INPP4B: variants seen among roughly 807,000 people sequenced by gnomAD.
INPP4B encodes inositol polyphosphate 4-phosphatase type II.
In INPP4B, 55 loss-of-function variants were observed where a neutral mutation model predicts 122.5. The ratio of observed to expected loss-of-function variants is 0.45; its 90% confidence interval spans 0.36 to 0.56. The LOEUF is 0.56. Ranked by LOEUF, INPP4B falls within the 20% of genes least tolerant of loss-of-function variation. INPP4B has a pLI of 0.00. For synonymous variants in INPP4B, 403 were observed against 388.7 expected (o/e 1.04, Z -0.43); for missense variants, 1,000 against 1,097.7 (o/e 0.91, Z 1.26).
At chr4:142,565,916 A>T (rs577048501) in intron 2 of INPP4B, 2 of 152,322 alleles carry the variant, frequency 1.3e-5, no homozygotes, top group Admixed American at 1.3e-4. Context: ...ACATCAGAGG[A>T]AGTGCATTGA....
At chr4:142,629,272 C>A (rs1368593026) in intron 2 of INPP4B, among the ~76,000 whole-genome samples, 1 of 152,018 alleles carries the variant, frequency 6.6e-6, no homozygotes, top group African/African-American at 2.4e-5. Flanking sequence ...CACCAGTTTT[C>A]ATTTACTTAT....
At chr4:142,111,836 C>T (rs1459367667) in intron 22 of INPP4B, among the ~76,000 whole-genome samples, 1 of 151,986 alleles carries the variant, frequency 6.6e-6, no homozygotes, top group Non-Finnish European at 1.5e-5. Flanking sequence ...CTCCATCTCC[C>T]GAGTTCAAAA....
At chr4:142,388,935 C>G (rs1796807094) in intron 7 of INPP4B, among the ~76,000 whole-genome samples, 1 of 152,052 alleles carries the variant, frequency 6.6e-6, no homozygotes. Context: ...TCCAAGGACT[C>G]CACCCTAAAG....
At chr4:142,618,928 G>T (rs1014467514) in intron 2 of INPP4B, among the ~76,000 whole-genome samples, 5 of 151,788 alleles carry the variant, frequency 3.3e-5, no homozygotes, top group Admixed American at 6.6e-5. Flanking sequence ...ATATGCAAAT[G>T]ACTTGAATAT....
intron 25 of INPP4B, among the ~76,000 whole-genome samples, chr4:142,031,152 T>C (rs1020274080): frequency 1.3e-5 from 2 of 152,178 alleles, no homozygotes; most frequent in African/African-American, 4.8e-5. Context: ...TTGATATAAA[T>C]TGAAAATAAA....
At chr4:142,685,733 C>T (rs1759250547) in intron 2 of INPP4B, among the ~76,000 whole-genome samples, 1 of 152,026 alleles carries the variant, frequency 6.6e-6, no homozygotes, top group South Asian at 2.1e-4. Context: ...GCACTCCCCC[C>T]TGGGAGACAG....
chr4:142,710,363 C>G (rs994992607), intron 2 of INPP4B, among the ~76,000 whole-genome samples: 1 of 151,972 alleles, frequency 6.6e-6, no homozygotes. Context: ...ACAAAATGGC[C>G]AAGATATGAT....
At chr4:142,471,428 G>A (rs949316307) in intron 2 of INPP4B, among the ~76,000 whole-genome samples, 9 of 152,194 alleles carry the variant, frequency 5.9e-5, no homozygotes, top group African/African-American at 9.6e-5. Context: ...TCTCTCCTAC[G>A]TCAAGGAAAC....
intron 1 of INPP4B, among the ~76,000 whole-genome samples, chr4:142,769,442 G>C (rs1442467706): frequency 6.6e-6 from 1 of 152,114 alleles, no homozygotes; most frequent in Non-Finnish European, 1.5e-5. Flanking sequence ...CTATAACTAA[G>C]CTACATGCAA....
intron 7 of INPP4B, among the ~76,000 whole-genome samples, chr4:142,352,544 T>A (rs570022454): frequency 2.6e-5 from 4 of 151,774 alleles, no homozygotes; most frequent in South Asian, 4.1e-4. Context: ...CCCATATGTG[T>A]ACATGTCTTA....
Position 142,370,024 on chromosome 4 carries a change from T to G in INPP4B, c.372+32914A>C, listed in dbSNP as rs192528616. 3.6e-4 allele frequency among the ~76,000 whole-genome samples: 55 copies of G among 152,104 alleles called. No individual in the cohort carries two copies. In the East Asian group the frequency reaches 0.011, roughly 29 times the overall value. On this transcript the variant is annotated intron_variant, in intron 7 of 25. Transcript: ENST00000262992. ...GGGAACTTGTGATAGAACATACTGA[T>G]ATATCAATCGTAGACCAATTGTAGT...
chr4:142,384,944 A>G (rs186041793), intron 7 of INPP4B, among the ~76,000 whole-genome samples: 160 of 152,150 alleles, frequency 1.1e-3, no homozygotes, highest in African/African-American at 3.6e-3. Context: ...ATTCTTTTTT[A>G]TGGCTGCATG....
At chr4:142,434,452 A>G (rs1318585030) in intron 3 of INPP4B, among the ~76,000 whole-genome samples, 1 of 152,094 alleles carries the variant, frequency 6.6e-6, no homozygotes, top group Non-Finnish European at 1.5e-5. Flanking sequence ...GAAACATTGA[A>G]CTTTCTACCG....
chr4:142,591,139 G>A (rs2113995), intron 2 of INPP4B, among the ~76,000 whole-genome samples: 2,140 of 152,036 alleles, frequency 0.014, 40 homozygotes, highest in African/African-American at 0.041. Flanking sequence ...ACATTGCAAA[G>A]TATTTAAAAT....
At chr4:142,220,751 C>G (rs1469808427) in intron 12 of INPP4B, among the ~76,000 whole-genome samples, 1 of 152,108 alleles carries the variant, frequency 6.6e-6, no homozygotes, top group Non-Finnish European at 1.5e-5. Context: ...AGTCCAAGGT[C>G]AAGGTGTTAG....
chr4:142,401,231 A>G (rs907299422), intron 7 of INPP4B, among the ~76,000 whole-genome samples: 2 of 151,706 alleles, frequency 1.3e-5, no homozygotes, highest in Non-Finnish European at 2.9e-5. Flanking sequence ...CTTTTCCTCC[A>G]CTTCTCTCTC....
At chr4:142,391,146 A>T (rs994324934) in intron 7 of INPP4B, among the ~76,000 whole-genome samples, 1 of 152,258 alleles carries the variant, frequency 6.6e-6, no homozygotes, top group Admixed American at 6.5e-5. Flanking sequence ...GTTTTGATAT[A>T]CAATTTGAAT....
chr4:142,109,552 G>T (rs1054882052), intron 22 of INPP4B, among the ~76,000 whole-genome samples: 13 of 145,060 alleles, frequency 9.0e-5, no homozygotes, highest in Admixed American at 2.7e-4. Flanking sequence ...CTTAGCAGCA[G>T]TATTTCAATG....
At chr4:142,245,339 T>A (rs979368410) in intron 11 of INPP4B, among the ~76,000 whole-genome samples, 8 of 152,340 alleles carry the variant, frequency 5.3e-5, no homozygotes, top group Admixed American at 1.3e-4. Context: ...AAGGTTTTTA[T>A]GGTTTTAGGT....
Sources: allele counts gnomAD v4.1 joint callset (sites outside exome capture counted in the v4.1 genomes callset), GRCh38; gene constraint gnomAD v4.1.1; transcripts MANE v1.5; gene names NCBI Gene and HGNC (gene_info 2026-07-23, HGNC 2026-07-21).